Variants in NAP1L4 observed in about 807,000 individuals in gnomAD.
The protein encoded by NAP1L4 is nucleosome assembly protein 1-like 4.
A neutral mutation model predicts 58.2 loss-of-function variants in NAP1L4; 15 were observed. The observed-to-expected ratio is 0.26, with a 90% CI of 0.17 to 0.40. NAP1L4 has a LOEUF of 0.40. NAP1L4 is among the 10% of genes least tolerant of loss of function. The probability of loss-of-function intolerance (pLI) is 1.00; values close to 1 mark genes in which losing one functional copy is unlikely to be tolerated. For synonymous variants in NAP1L4, 171 were observed against 155.6 expected, an observed-to-expected ratio of 1.10 and a Z score of -0.74; for missense variants, 384 against 451.1, an observed-to-expected ratio of 0.85 and a Z score of 1.35.
rs748389824 is a variant in NAP1L4, at chr11:2,954,793, C to T, written c.916-147G>A. On this transcript the variant is annotated intron_variant, in intron 11 of 15. Transcript: ENST00000380542. This position sits in a 1 kb window ranked among gnomAD's most constrained non-coding sequence, Gnocchi z 4.8. ...GCACTGCTGGGGGACAGCCACTAGA[C>T]ACTCAAAGCCCCTTTAAAACAACTT... The T allele has an allele frequency of 3.5e-5, 35 of 992,456 alleles. No individual in the cohort carries two copies. The highest frequency in any genetic ancestry group is 4.9e-5 in the Non-Finnish European group (32 of 657,738). 61.5% of individuals were successfully genotyped at this position (992,456 alleles called of 1,614,324 possible).
Position 2,945,834 on chromosome 11 carries a change from AG to A in NAP1L4, c.*33-189del, listed in dbSNP as rs577482735. 3.8e-3 allele frequency among the ~76,000 whole-genome samples: 578 copies of A among 152,270 alleles called. 3 individuals carry two copies. The highest frequency in any genetic ancestry group is 0.013 in the African/African-American group (556 of 41,544). On this transcript the variant is annotated intron_variant, in intron 15 of 15. Transcript: ENST00000380542. ...CCCCCTACCACCCTGCAGTCAAAGCAGGGTTTTTTTTTGTTTTTAAAGCTAT... is the reference window on the plus strand; with the variant it reads ...CCCCCTACCACCCTGCAGTCAAAGCAGGTTTTTTTTTGTTTTTAAAGCTAT...
In NAP1L4 at chr11:2,947,619, A is replaced by G. The variant is rs78523641; in HGVS notation, c.*32+1608T>C. ...TGTTTTTAGCTTGTGACACATGCCG[A>G]AAAAAAAAAAACTACACCTAAACTC... is the stretch of plus-strand genomic sequence containing the variant. On this transcript the variant is annotated intron_variant, in intron 15 of 15. Coordinates refer to ENST00000380542, the MANE Select transcript of NAP1L4 (RefSeq NM_005969.4). Among the ~76,000 whole-genome samples, 4 of 140,486 alleles carry G rather than the reference A, an allele frequency of 2.8e-5. No homozygotes were observed. The East Asian group carries it at 5.9e-4, about 21-fold the overall frequency. The allele number at this position is 140,486 out of a possible 152,430, so 92.2% of individuals were successfully genotyped here.
At position 2,944,595 on chromosome 11, in the gene NAP1L4, CCA is replaced by C. The variant is rs1260947234; in HGVS notation, c.*1082_*1083del. ...CCCGGCTGCCGGAGAGCGCCGTCAC[CCA>C]CTTGAAAACCCCACCCACCAGCCGC... On this transcript the variant is annotated 3_prime_UTR_variant, in exon 16 of 16. Coordinates refer to ENST00000380542, the MANE Select transcript of NAP1L4 (RefSeq NM_005969.4). The C allele has an allele frequency of 6.6e-6, 1 of 152,342 alleles. No homozygotes were observed. Among genetic ancestry groups the C allele is most frequent in the East Asian group, 1.9e-4 (1 of 5,204 alleles). 9.4% of individuals were successfully genotyped at this position (152,342 alleles called of 1,614,324 possible).
chr11:2,987,299 T>TTTG (rs894506338), intron 1 of NAP1L4, among the ~76,000 whole-genome samples: 6 of 151,836 alleles, frequency 4.0e-5, no homozygotes, highest in Admixed American at 6.6e-5. Flanking sequence ...TTCTGGGTTT[T>TTTG]TTGTTGTTGT....
At chr11:2,986,576 T>C (rs945974994) in intron 1 of NAP1L4, among the ~76,000 whole-genome samples, 1 of 152,004 alleles carries the variant, frequency 6.6e-6, no homozygotes, top group Non-Finnish European at 1.5e-5. Flanking sequence ...AGACTCCTTA[T>C]AATTTCCTTA....
At chr11:2,968,996 T>TTTTTTTTTTTTTTTTTTTTTTG (rs1847466077) in intron 7 of NAP1L4, among the ~76,000 whole-genome samples, 1 of 127,566 alleles carries the variant, frequency 7.8e-6, no homozygotes. Flanking sequence ...TTGTTTTTTT[T>TTTTTTTTTTTTTTTTTTTTTTG]TTTTTTTTTT....
At chr11:2,958,602 A>G (rs1209605485) in intron 9 of NAP1L4, 58 bp from the exon 10 acceptor site, 4 of 1,558,104 alleles carry the variant, frequency 2.6e-6, no homozygotes, top group African/African-American at 2.8e-5. Flanking sequence ...TCCATTACAA[A>G]TGCATGCAGG....
At chr11:2,962,970 C>T (rs1311892346) in intron 8 of NAP1L4, among the ~76,000 whole-genome samples, 1 of 151,110 alleles carries the variant, frequency 6.6e-6, no homozygotes, top group Non-Finnish European at 1.5e-5. Context: ...CGTGGTGGTG[C>T]GTGCCTGTAG....
intron 12 of NAP1L4, chr11:2,952,010 T>C: frequency 1.6e-6 from 1 of 631,802 alleles, no homozygotes; most frequent in Non-Finnish European, 2.8e-6. Context: ...AAATTGAAAG[T>C]CACGCAAAAC....
intron 1 of NAP1L4, among the ~76,000 whole-genome samples, chr11:2,988,625 A>G (rs1564994377): frequency 6.6e-6 from 1 of 152,234 alleles, no homozygotes; most frequent in Non-Finnish European, 1.5e-5. Flanking sequence ...ATAAAAGTGC[A>G]CAGTCATTCT....
At position 2,959,136 on chromosome 11, in the gene NAP1L4, T is replaced by C. The variant is rs369090357; in HGVS notation, c.747-592A>G. The stretch of plus-strand genomic sequence containing the variant: ...CAGGCCTTTTTCTCACATGATGTCC[T>C]GGCCCTGGAAAATCATCTTTCTAAA... On this transcript the variant is annotated intron_variant, in intron 9 of 15. Coordinates refer to ENST00000380542, the MANE Select transcript of NAP1L4 (RefSeq NM_005969.4). This position sits in a 1 kb window ranked among gnomAD's most constrained non-coding sequence, Gnocchi z 4.9. Among the ~76,000 whole-genome samples the C allele has an allele frequency of 4.5e-4, 69 of 152,372 alleles. No homozygotes were observed. The highest frequency in any genetic ancestry group is 3.4e-3 in the Middle Eastern group (1 of 294).
At position 2,964,819 on chromosome 11, in the gene NAP1L4, A is replaced by G. The variant is rs16928912; in HGVS notation, c.535-68T>C. On this transcript the variant is annotated intron_variant, in intron 7 of 15. Coordinates refer to ENST00000380542, the MANE Select transcript of NAP1L4 (RefSeq NM_005969.4). Reference sequence around the variant, plus strand: ...AACAACACATCTCTCCCGAAGAGTCATGGTTGCAGAGGCTCCCAGATGTTG... The same window carrying G: ...AACAACACATCTCTCCCGAAGAGTCGTGGTTGCAGAGGCTCCCAGATGTTG... The G allele has an allele frequency of 5.3e-3, 6,206 of 1,178,794 alleles. 245 individuals are homozygous for G. In the African/African-American group the frequency reaches 0.082, roughly 16 times the overall value. 73.0% of individuals were successfully genotyped at this position (1,178,794 alleles called of 1,614,324 possible).
chr11:2,986,712 C>G (rs950041610), intron 1 of NAP1L4, among the ~76,000 whole-genome samples: 1 of 151,748 alleles, frequency 6.6e-6, no homozygotes, highest in Admixed American at 6.6e-5. Flanking sequence ...CTGCAACCTC[C>G]ACCTCCCAGT....
At chr11:2,961,364 G>A (rs1370730271) in intron 8 of NAP1L4, among the ~76,000 whole-genome samples, 3 of 152,076 alleles carry the variant, frequency 2.0e-5, no homozygotes, top group South Asian at 2.1e-4. Context: ...CAAAGGAAGC[G>A]GGTAGGGCAC....
intron 12 of NAP1L4, among the ~76,000 whole-genome samples, chr11:2,953,432 T>C: frequency 6.6e-6 from 1 of 152,268 alleles, no homozygotes; most frequent in Non-Finnish European, 1.5e-5. Flanking sequence ...AGCAGCCATA[T>C]TTCAAGTCCT....
At position 2,954,578 on chromosome 11, in the gene NAP1L4, G is replaced by A; in HGVS notation, c.984C>T (p.Val328=). ...EIGHFFRERI[V]PRAVLYFTGE... is the part of the protein sequence containing the mutation. Reference sequence around the variant, plus strand: ...CAGTGAAGTACAGCACAGCCCGCGGGACTATCCGCTCACGGAAAAAGTGTC... The same window carrying A: ...CAGTGAAGTACAGCACAGCCCGCGGAACTATCCGCTCACGGAAAAAGTGTC... Residue 328 remains valine, a synonymous_variant, in exon 12 of 16, where the codon GTC becomes GTT. Transcript: ENST00000380542. The surrounding 1 kb of genome is among the most constrained non-coding windows in gnomAD (Gnocchi z 4.8). 6.2e-7 allele frequency: 1 copy of A among 1,614,170 alleles called. No homozygotes were observed. The highest frequency in any genetic ancestry group is 8.5e-7 in the Non-Finnish European group (1 of 1,180,038).
Position 2,955,519 on chromosome 11 carries a change from G to C in NAP1L4, c.915+225C>G, listed in dbSNP as rs1564974946. ...CCATGTTCGGCTGGCTAATTTATTTGGTTTTAATTTTTTGTGGAGATGGGG... is the reference window on the plus strand; with the variant it reads ...CCATGTTCGGCTGGCTAATTTATTTCGTTTTAATTTTTTGTGGAGATGGGG... On this transcript the variant is annotated intron_variant, in intron 11 of 15. Transcript: ENST00000380542. This position sits in a 1 kb window ranked among gnomAD's most constrained non-coding sequence, Gnocchi z 4.2. Among the ~76,000 whole-genome samples the C allele has an allele frequency of 6.6e-6, 1 of 151,922 alleles. No individual in the cohort carries two copies. Among genetic ancestry groups the C allele is most frequent in the South Asian group, 2.1e-4 (1 of 4,818 alleles).
chr11:2,967,058 C>G (rs906509857), intron 7 of NAP1L4, among the ~76,000 whole-genome samples: 1 of 152,150 alleles, frequency 6.6e-6, no homozygotes, highest in African/African-American at 2.4e-5. Context: ...TCAACTATCC[C>G]CAAATTTAGA....
rs371780046 is a variant in NAP1L4, at chr11:2,976,113, T to A, written c.84A>T (p.Thr28=). Residue 28 remains threonine, a synonymous_variant, in exon 4 of 16, where the codon ACA becomes ACT. Coordinates refer to ENST00000380542, the MANE Select transcript of NAP1L4 (RefSeq NM_005969.4). The part of the protein sequence containing the change: ...AKNASNTEKL[T]DQVMQNPRVL... Reference sequence around the variant, plus strand: ...CTCGAGGATTCTGCATCACCTGATCTGTGAGCTTTTCTATGAAGAGTTAAG... The same window carrying A: ...CTCGAGGATTCTGCATCACCTGATCAGTGAGCTTTTCTATGAAGAGTTAAG... 3 of 1,612,884 alleles carry A rather than the reference T, an allele frequency of 1.9e-6. No individual in the cohort carries two copies. The African/African-American group carries it at 4.0e-5, about 22-fold the overall frequency.
Sources: allele counts gnomAD v4.1 joint callset (sites outside exome capture counted in the v4.1 genomes callset), GRCh38; gene constraint gnomAD v4.1.1; non-coding constraint Gnocchi (gnomAD v3.1); transcripts MANE v1.5; gene names NCBI Gene and HGNC (gene_info 2026-07-23, HGNC 2026-07-21).